The following MED13 variants were observed in gnomAD, a reference collection of about 807,000 sequenced individuals.
The protein encoded by MED13 is mediator of RNA polymerase II transcription subunit 13.
A neutral mutation model predicts 225.2 loss-of-function variants in MED13; 23 were observed. The ratio of observed to expected loss-of-function variants is 0.10; its 90% confidence interval spans 0.07 to 0.14. The LOEUF (loss-of-function observed/expected upper bound fraction) is 0.14, where lower values mean the gene tolerates loss of function less well. Ranked by LOEUF, MED13 falls within the 10% of genes least tolerant of loss-of-function variation. The pLI, the probability that MED13 is intolerant of heterozygous loss-of-function variation, is 1.00. For synonymous variants in MED13, 942 were observed against 889.2 expected (o/e 1.06, Z -1.06); for missense variants, 2,197 against 2,594.5 (o/e 0.85, Z 3.33).
intron 2 of MED13, among the ~76,000 whole-genome samples, chr17:62,059,722 G>A (rs2081023106): frequency 6.6e-6 from 1 of 152,162 alleles, no homozygotes; most frequent in South Asian, 2.1e-4. Flanking sequence ...CCAAGAGGGA[G>A]GTAGACGCTG....
intron 9 of MED13, chr17:62,006,505 A>T (rs1484350914): frequency 6.6e-6 from 1 of 152,198 alleles, no homozygotes; most frequent in Non-Finnish European, 1.5e-5. Flanking sequence ...TCATAAAGCG[A>T]ATTATCTGAC....
At chr17:62,003,758 G>A (rs917214355) in intron 9 of MED13, 2 of 151,844 alleles carry the variant, frequency 1.3e-5, no homozygotes, top group South Asian at 2.1e-4. Context: ...CAGAAAAAAA[G>A]GGTGACAAGG....
At chr17:62,030,519 G>A (rs145402077) in intron 6 of MED13, 10 of 152,560 alleles carry the variant, frequency 6.6e-5, no homozygotes, top group African/African-American at 2.4e-4. Flanking sequence ...CCCCTGCAGC[G>A]GCAGCACTCT....
At chr17:62,050,346 G>GA (rs1322793144) in intron 3 of MED13, among the ~76,000 whole-genome samples, 1 of 148,604 alleles carries the variant, frequency 6.7e-6, no homozygotes, top group East Asian at 2.0e-4. Context: ...CAACAAGAGT[G>GA]AAACTCCGTA....
chr17:62,025,359 T>A (rs530015616), intron 8 of MED13, among the ~76,000 whole-genome samples: 88 of 152,304 alleles, frequency 5.8e-4, no homozygotes, highest in African/African-American at 2.1e-3. Context: ...TTTCAACTTT[T>A]AAAAAACGTA....
At chr17:61,970,517 G>GT (rs1302740401) in intron 17 of MED13, among the ~76,000 whole-genome samples, 1 of 151,632 alleles carries the variant, frequency 6.6e-6, no homozygotes, top group Non-Finnish European at 1.5e-5. Context: ...CCCATCTCTA[G>GT]TAAAAATACA....
intron 3 of MED13, among the ~76,000 whole-genome samples, chr17:62,051,093 A>G (rs1432537469): frequency 2.0e-5 from 3 of 152,230 alleles, no homozygotes; most frequent in African/African-American, 2.4e-5. Context: ...TATCTATCTA[A>G]TATCTATCAG....
At chr17:61,968,303 C>A (rs755591587) in intron 17 of MED13, 45 bp from the exon 18 acceptor site, 2 of 1,284,982 alleles carry the variant, frequency 1.6e-6, no homozygotes, top group Admixed American at 2.3e-5. Flanking sequence ...AAAAACAAGA[C>A]ATGTCTCCTT....
intron 17 of MED13, among the ~76,000 whole-genome samples, chr17:61,972,436 T>TA (rs201191336): frequency 2.9e-4 from 44 of 149,872 alleles, no homozygotes; most frequent in African/African-American, 5.1e-4. Flanking sequence ...TTTTTGCCTT[T>TA]AAAAAAAAAA....
At chr17:61,992,643 T>G (rs1176809327) in intron 10 of MED13, 22 bp from the exon 11 acceptor site, 37 of 1,497,580 alleles carry the variant, frequency 2.5e-5, no homozygotes, top group Non-Finnish European at 3.4e-5. Context: ...TATTTCATGT[T>G]AGGCTGAAAT....
chr17:61,962,343 T>C (rs60578879), intron 21 of MED13, among the ~76,000 whole-genome samples: 2,179 of 152,276 alleles, frequency 0.014, 54 homozygotes, highest in African/African-American at 0.049. Context: ...ATATTAATAA[T>C]GCCATTGACT....
At position 62,039,426 on chromosome 17, in the gene MED13, G is replaced by A. The variant is rs944216235; in HGVS notation, c.471-3818C>T. Among the ~76,000 whole-genome samples, 21 of 151,884 alleles carry A rather than the reference G, an allele frequency of 1.4e-4. No homozygotes were observed. In the South Asian group the frequency reaches 2.1e-3, roughly 15 times the overall value. ...GCCTCCTGAGTAGCTGGGATTACAGGCACCCATGACCATGCCCAGCTAATT... is the reference window on the plus strand; with the variant it reads ...GCCTCCTGAGTAGCTGGGATTACAGACACCCATGACCATGCCCAGCTAATT... On this transcript the variant is annotated intron_variant, in intron 3 of 29. Transcript: ENST00000397786.
At chr17:61,969,992 A>G (rs2080093018) in intron 17 of MED13, among the ~76,000 whole-genome samples, 1 of 152,216 alleles carries the variant, frequency 6.6e-6, no homozygotes. Context: ...TTACAAAACA[A>G]AACTATCTCT....
At chr17:61,992,319 A>T (rs938864148) in intron 11 of MED13, among the ~76,000 whole-genome samples, 1 of 152,250 alleles carries the variant, frequency 6.6e-6, no homozygotes, top group African/African-American at 2.4e-5. Context: ...TTATATGTAA[A>T]AACAGGAAAG....
intron 9 of MED13, among the ~76,000 whole-genome samples, chr17:61,998,596 C>CTTTT (rs58261678): frequency 7.6e-4 from 88 of 115,526 alleles, no homozygotes; most frequent in African/African-American, 1.5e-3. Context: ...TTCCCACCGC[C>CTTTT]TTTTTTTTTT....
intron 16 of MED13, among the ~76,000 whole-genome samples, chr17:61,978,902 T>C (rs16945750): frequency 0.076 from 11,550 of 152,240 alleles, 1,513 homozygotes; most frequent in African/African-American, 0.26. Flanking sequence ...GTTGTCCTCT[T>C]ACATTTCAAA....
rs776637147 is a variant in MED13 at position 62,035,480 on chromosome 17, G to A, written c.599C>T (p.Ser200Phe). 2 of 1,610,042 alleles carry A rather than the reference G, an allele frequency of 1.2e-6. No homozygotes were observed. The highest frequency in any genetic ancestry group is 2.7e-5 in the African/African-American group (2 of 74,772). The change falls in exon 4 of 30, where the codon TCT becomes TTT. Residue 200 changes from serine to phenylalanine, a missense_variant. Coordinates refer to ENST00000397786, the MANE Select transcript of MED13 (RefSeq NM_005121.3). ...TAATCTACCTTGAAATGGGCTATTA[G>A]ACTGTTGAGCAAGGGTGATATGCTC... The part of the protein sequence containing the change: ...SEEHITLAQQ[S>F]NSPFQVILCP...
chr17:62,001,385 A>C lies in MED13; in HGVS notation c.1968-6020T>G, dbSNP rs1364511243. 3.9e-4 allele frequency among the ~76,000 whole-genome samples: 59 copies of C among 152,288 alleles called. No homozygotes were observed. In the East Asian group the frequency reaches 0.011, roughly 29 times the overall value. On this transcript the variant is annotated intron_variant, in intron 9 of 29. Coordinates refer to ENST00000397786, the MANE Select transcript of MED13 (RefSeq NM_005121.3). ...CATCACTTTCTATATGAGTTGTCCA[A>C]ACTGATCTCCTTTCACACAGACATA...
rs1279869620 is a variant in MED13, at chr17:62,058,622, G to A, written c.301+4445C>T. 6.6e-5 allele frequency among the ~76,000 whole-genome samples: 10 copies of A among 151,308 alleles called. No individual in the cohort carries two copies. The South Asian group carries it at 1.0e-3, about 16-fold the overall frequency. Reference sequence around the variant, plus strand: ...TTTTGTATCAAAACATATCGACCCCGATTCAACTAATCATTATCCTATAGA... The same window carrying A: ...TTTTGTATCAAAACATATCGACCCCAATTCAACTAATCATTATCCTATAGA... On this transcript the variant is annotated intron_variant, in intron 2 of 29. Coordinates refer to ENST00000397786, the MANE Select transcript of MED13 (RefSeq NM_005121.3).
Sources: allele counts gnomAD v4.1 joint callset (sites outside exome capture counted in the v4.1 genomes callset), GRCh38; gene constraint gnomAD v4.1.1; transcripts MANE v1.5; gene names NCBI Gene and HGNC (gene_info 2026-07-23, HGNC 2026-07-21).